MAGI1: variants seen among roughly 807,000 people sequenced by gnomAD.
MAGI1 encodes the protein membrane-associated guanylate kinase, WW and PDZ domain-containing protein 1.
Under a neutral mutation model 139.9 loss-of-function variants are expected in MAGI1, and 58 were observed. That is an observed-to-expected ratio of 0.41 (90% CI 0.34 to 0.52). The LOEUF (loss-of-function observed/expected upper bound fraction) is 0.52. Among genes scored for constraint, MAGI1 ranks in the 20% least tolerant of loss-of-function variants. The probability of loss-of-function intolerance (pLI) is 0.12; values close to 1 mark genes in which losing one functional copy is unlikely to be tolerated. For synonymous variants in MAGI1, 812 were observed against 737.9 expected, an observed-to-expected ratio of 1.10 and a Z score of -1.63; for missense variants, 1,874 against 1,901.6, an observed-to-expected ratio of 0.99 and a Z score of 0.27.
intron 1 of MAGI1, among the ~76,000 whole-genome samples, chr3:65,657,433 C>CAAAA (rs34377694): frequency 1.5e-5 from 2 of 134,934 alleles, no homozygotes; most frequent in African/African-American, 3.0e-5. Flanking sequence ...CCATCTCTAT[C>CAAAA]AAAAAAAAAA....
Position 65,653,087 on chromosome 3 carries a change from T to TG in MAGI1, c.314-31000_314-30999insC, listed in dbSNP as rs2085676740. Reference sequence around the variant, plus strand: ...CAATGAGATGAGAAAACTTGTATACTTTTTTTTCTTCCCCAGCGGAAATAT... The same window carrying TG: ...CAATGAGATGAGAAAACTTGTATACTGTTTTTTTCTTCCCCAGCGGAAATAT... On this transcript the variant is annotated intron_variant, in intron 1 of 22. Transcript: ENST00000402939. Among the ~76,000 whole-genome samples the TG allele has an allele frequency of 2.6e-5, 4 of 152,180 alleles. No homozygotes were observed. In the South Asian group the frequency reaches 8.3e-4, roughly 32 times the overall value.
intron 1 of MAGI1, among the ~76,000 whole-genome samples, chr3:65,805,062 G>C (rs1305216220): frequency 1.3e-5 from 2 of 152,130 alleles, no homozygotes; most frequent in African/African-American, 4.8e-5. Flanking sequence ...AAAAACAATT[G>C]TGAACAAAAC....
chr3:65,740,972 T>C (rs1328447689), intron 1 of MAGI1, among the ~76,000 whole-genome samples: 1 of 152,148 alleles, frequency 6.6e-6, no homozygotes, highest in Admixed American at 6.5e-5. Flanking sequence ...TTACTGTTTT[T>C]GTAATGGGGG....
intron 1 of MAGI1, among the ~76,000 whole-genome samples, chr3:65,984,728 T>C (rs1293785246): frequency 7.3e-6 from 1 of 137,800 alleles, no homozygotes; most frequent in Admixed American, 7.7e-5. Context: ...TTTTTTTTTT[T>C]TAGAGATAGG....
chr3:65,590,329 G>A (rs1456249955), intron 2 of MAGI1, among the ~76,000 whole-genome samples: 1 of 151,872 alleles, frequency 6.6e-6, no homozygotes, highest in Non-Finnish European at 1.5e-5. Context: ...GCATAATATC[G>A]GGCTCATAAA....
At chr3:65,710,300 G>C (rs1429544468) in intron 1 of MAGI1, among the ~76,000 whole-genome samples, 1 of 70,246 alleles carries the variant, frequency 1.4e-5, no homozygotes, top group African/African-American at 6.1e-5. Context: ...TTTTTTTTGA[G>C]ACAGAGTTTT....
At chr3:65,564,422 A>C (rs2080515701) in intron 2 of MAGI1, among the ~76,000 whole-genome samples, 1 of 152,098 alleles carries the variant, frequency 6.6e-6, no homozygotes, top group Admixed American at 6.6e-5. Flanking sequence ...TGTTTGCTGA[A>C]TAGATCTAGC....
intron 2 of MAGI1, among the ~76,000 whole-genome samples, chr3:65,518,179 A>G (rs2077990597): frequency 1.3e-5 from 2 of 152,070 alleles, no homozygotes; most frequent in Admixed American, 1.3e-4. Flanking sequence ...CAGCCTAAAG[A>G]CTATCTTAAC....
At chr3:66,018,117 G>GA in intron 1 of MAGI1, among the ~76,000 whole-genome samples, 1 of 138,024 alleles carries the variant, frequency 7.2e-6, no homozygotes. Context: ...CTTTGGTGGG[G>GA]GGGGGGGGTG....
chr3:65,756,391 A>C (rs1284639621), intron 1 of MAGI1, among the ~76,000 whole-genome samples: 1 of 152,178 alleles, frequency 6.6e-6, no homozygotes, highest in Non-Finnish European at 1.5e-5. Flanking sequence ...ATTTCGGTAA[A>C]AGTTGCATGT....
intron 2 of MAGI1, among the ~76,000 whole-genome samples, chr3:65,495,404 C>A (rs1469108382): frequency 6.6e-6 from 1 of 151,974 alleles, no homozygotes; most frequent in Non-Finnish European, 1.5e-5. Context: ...GTTCAAATCC[C>A]AGTATAATAA....
At chr3:65,857,398 T>C (rs546237550) in intron 1 of MAGI1, among the ~76,000 whole-genome samples, 1 of 152,344 alleles carries the variant, frequency 6.6e-6, no homozygotes, top group South Asian at 2.1e-4. Context: ...CACCCTATGA[T>C]TGTTTGCAAA....
At chr3:65,727,496 T>C (rs556562243) in intron 1 of MAGI1, among the ~76,000 whole-genome samples, 10 of 152,296 alleles carry the variant, frequency 6.6e-5, no homozygotes, top group African/African-American at 2.4e-4. Context: ...TCCTGAGTAG[T>C]TGGGACTACA....
At chr3:65,445,338 T>C (rs752982612) in intron 7 of MAGI1, among the ~76,000 whole-genome samples, 33 of 152,168 alleles carry the variant, frequency 2.2e-4, no homozygotes, top group Non-Finnish European at 4.3e-4. Context: ...TCCTGGCACA[T>C]AGAAAGTGTC....
chr3:65,584,680 T>C (rs2081593529), intron 2 of MAGI1, among the ~76,000 whole-genome samples: 1 of 152,184 alleles, frequency 6.6e-6, no homozygotes, highest in African/African-American at 2.4e-5. Flanking sequence ...ACAAAGATTA[T>C]CAATGACTAC....
chr3:65,875,528 A>T (rs777271488), intron 1 of MAGI1, among the ~76,000 whole-genome samples: 1 of 152,254 alleles, frequency 6.6e-6, no homozygotes, highest in Non-Finnish European at 1.5e-5. Context: ...TGGAAAAAAC[A>T]CATGACTATG....
At chr3:66,029,870 C>A (rs913281955) in intron 1 of MAGI1, among the ~76,000 whole-genome samples, 2 of 152,126 alleles carry the variant, frequency 1.3e-5, no homozygotes, top group Non-Finnish European at 2.9e-5. Context: ...TCGACAAGAT[C>A]TTCATGGTGA....
chr3:65,495,298 T>C (rs1524968), intron 2 of MAGI1, among the ~76,000 whole-genome samples: 85,606 of 152,044 alleles, frequency 0.56, 24,471 homozygotes, highest in East Asian at 0.76. Context: ...GTTGTGTGTA[T>C]TGAATGAGAT....
chr3:65,708,987 T>C (rs1478068166), intron 1 of MAGI1, among the ~76,000 whole-genome samples: 3 of 152,192 alleles, frequency 2.0e-5, no homozygotes, highest in Admixed American at 6.5e-5. Context: ...TGAGGTTTTA[T>C]AAAGGTTAAC....
Sources: gnomAD v4.1 joint callset for allele counts (sites outside exome capture counted in the v4.1 genomes callset) on GRCh38, gnomAD v4.1.1 for gene constraint, MANE v1.5 for transcripts, NCBI Gene and HGNC (gene_info 2026-07-23, HGNC 2026-07-21) for gene names.